The following NCKAP5 variants were observed in gnomAD, a reference collection of about 807,000 sequenced individuals.
NCKAP5 encodes the protein nck-associated protein 5.
NCKAP5 carries 92 observed loss-of-function variants against 167.0 expected under a neutral mutation model. That is an observed-to-expected ratio of 0.55 (90% confidence interval 0.47 to 0.66). The LOEUF is 0.66. Among genes scored for constraint, NCKAP5 ranks in the 30% least tolerant of loss-of-function variants. NCKAP5 has a pLI of 0.00. For synonymous variants in NCKAP5, 891 were observed against 877.4 expected, an observed-to-expected ratio of 1.02 and a Z score of -0.27; for missense variants, 2,378 against 2,315.0, an observed-to-expected ratio of 1.03 and a Z score of -0.56.
At chr2:133,512,738 T>C (rs559383121) in intron 3 of NCKAP5, among the ~76,000 whole-genome samples, 1 of 152,290 alleles carries the variant, frequency 6.6e-6, no homozygotes, top group Non-Finnish European at 1.5e-5. Context: ...AGTAATGACA[T>C]GAATTGGCAC....
intron 6 of NCKAP5, among the ~76,000 whole-genome samples, chr2:133,021,804 G>A (rs138453470): frequency 0.02 from 3,045 of 152,150 alleles, 45 homozygotes; most frequent in Non-Finnish European, 0.033. Flanking sequence ...CTAATTTTTT[G>A]TATTTTAGTA....
chr2:133,295,694 T>C (rs193271988), intron 4 of NCKAP5, among the ~76,000 whole-genome samples: 1 of 152,096 alleles, frequency 6.6e-6, no homozygotes, highest in Admixed American at 6.6e-5. Flanking sequence ...TGGCAGGTGG[T>C]GTGAAAGCCA....
chr2:132,971,141 T>C (rs1240157647), intron 7 of NCKAP5, among the ~76,000 whole-genome samples: 1 of 152,200 alleles, frequency 6.6e-6, no homozygotes, highest in Non-Finnish European at 1.5e-5. Flanking sequence ...CAGAAGAAGA[T>C]AGCTATTAAT....
chr2:133,648,593 C>T, the NCKAP5 span, among the ~76,000 whole-genome samples: 1 of 151,758 alleles, frequency 6.6e-6, no homozygotes, highest in Non-Finnish European at 1.5e-5. Flanking sequence ...TACAAATCAA[C>T]AGAAGAAAAA....
rs192397133 is a variant in NCKAP5 at position 132,873,412 on chromosome 2, C to T, written c.649-4438G>A. Among the ~76,000 whole-genome samples, 545 of 152,092 alleles carry T rather than the reference C, an allele frequency of 3.6e-3. 3 individuals carry two copies. Among genetic ancestry groups the T allele is most frequent in the African/African-American group, 0.012 (517 of 41,480 alleles). ...ACAGGCGTGAGCCACTGCGCCCAGC[C>T]GAAAAAATGTTTTTTAAGAATAAGG... is the stretch of plus-strand genomic sequence containing the variant. On this transcript the variant is annotated intron_variant, in intron 9 of 19. Coordinates refer to ENST00000409261, the MANE Select transcript of NCKAP5 (RefSeq NM_207363.3).
intron 4 of NCKAP5, among the ~76,000 whole-genome samples, chr2:133,230,284 C>T (rs1272538226): frequency 6.6e-6 from 1 of 152,144 alleles, no homozygotes; most frequent in Non-Finnish European, 1.5e-5. Flanking sequence ...ATCTGGAGGC[C>T]ATTTATTACC....
chr2:133,057,694 CA>C (rs1174214291), intron 6 of NCKAP5, among the ~76,000 whole-genome samples: 11 of 152,182 alleles, frequency 7.2e-5, no homozygotes, highest in African/African-American at 2.4e-4. Context: ...ATGCCAATAC[CA>C]TAACACGAAA....
At chr2:133,385,779 G>A (rs999968400) in intron 3 of NCKAP5, among the ~76,000 whole-genome samples, 2 of 151,950 alleles carry the variant, frequency 1.3e-5, no homozygotes, top group Non-Finnish European at 2.9e-5. Flanking sequence ...GTCTTGGGAG[G>A]GTGTATGTGT....
chr2:133,184,882 T>C (rs1459877319), intron 5 of NCKAP5, among the ~76,000 whole-genome samples: 2 of 152,186 alleles, frequency 1.3e-5, no homozygotes, highest in Non-Finnish European at 2.9e-5. Context: ...GTCAGATGCA[T>C]AGTTTGCAAA....
chr2:133,562,373 CT>C (rs1436480460), intron 1 of NCKAP5, among the ~76,000 whole-genome samples: 5 of 152,070 alleles, frequency 3.3e-5, no homozygotes, highest in African/African-American at 1.2e-4. Context: ...GCATGTATTA[CT>C]TTGACTTTTT....
intron 2 of NCKAP5, among the ~76,000 whole-genome samples, chr2:133,524,955 C>T (rs1472404896): frequency 6.6e-6 from 1 of 152,128 alleles, no homozygotes; most frequent in Non-Finnish European, 1.5e-5. Flanking sequence ...TGTGTACATG[C>T]GCATGAGTAT....
At chr2:132,723,987 C>T (rs1324619551) in intron 19 of NCKAP5, among the ~76,000 whole-genome samples, 1 of 152,180 alleles carries the variant, frequency 6.6e-6, no homozygotes, top group Admixed American at 6.5e-5. Flanking sequence ...TCTCATTTGG[C>T]CTCATCCATC....
At chr2:133,356,238 T>TAAGAA (rs1275095208) in intron 3 of NCKAP5, among the ~76,000 whole-genome samples, 4 of 152,172 alleles carry the variant, frequency 2.6e-5, no homozygotes, top group Non-Finnish European at 5.9e-5. Context: ...GAAGCAGTGT[T>TAAGAA]CTTATATCTC....
At chr2:133,625,225 A>C in the NCKAP5 span, among the ~76,000 whole-genome samples, 1 of 152,214 alleles carries the variant, frequency 6.6e-6, no homozygotes, top group Non-Finnish European at 1.5e-5. Context: ...CATTATGGTT[A>C]AGTTAAAATT....
At chr2:133,082,942 C>T (rs1217375819) in intron 6 of NCKAP5, among the ~76,000 whole-genome samples, 2 of 152,028 alleles carry the variant, frequency 1.3e-5, no homozygotes, top group Non-Finnish European at 2.9e-5. Context: ...AATGCCACAT[C>T]CCACTCTAGG....
rs765048071 is a variant in NCKAP5 at position 132,782,948 on chromosome 2, G to A, written c.3863C>T (p.Thr1288Met). ...TTTGCCTGACCCTTCGATGGGGGGC[G>A]TAGAAGGCTTGTCTCCTGAGTGTGT... The part of the protein sequence containing the change: ...FSTHSGDKPS[T>M]PPIEGSGKVR... Residue 1288 changes from threonine to methionine, a missense_variant, in exon 14 of 20, where the codon ACG (threonine) becomes ATG (methionine). Coordinates refer to ENST00000409261, the MANE Select transcript of NCKAP5 (RefSeq NM_207363.3). 5.9e-5 allele frequency: 96 copies of A among 1,613,888 alleles called. 1 individual carries two copies. The highest frequency in any genetic ancestry group is 1.5e-4 in the South Asian group (14 of 91,082).
chr2:133,088,242 T>C (rs1427247595), intron 6 of NCKAP5, among the ~76,000 whole-genome samples: 1 of 152,128 alleles, frequency 6.6e-6, no homozygotes, highest in Non-Finnish European at 1.5e-5. Flanking sequence ...TGCTTCAGAG[T>C]TGGCACGGGC....
At chr2:133,642,593 G>A in the NCKAP5 span, among the ~76,000 whole-genome samples, 1 of 152,152 alleles carries the variant, frequency 6.6e-6, no homozygotes, top group East Asian at 1.9e-4. Context: ...CTAAAGGATG[G>A]TCTTCATAGA....
At chr2:132,759,498 T>C (rs1403268299) in intron 16 of NCKAP5, among the ~76,000 whole-genome samples, 1 of 152,086 alleles carries the variant, frequency 6.6e-6, no homozygotes. Context: ...TGTATGACAC[T>C]CCAATATTTT....
Sources: allele counts gnomAD v4.1 joint callset (sites outside exome capture counted in the v4.1 genomes callset), GRCh38; gene constraint gnomAD v4.1.1; transcripts MANE v1.5; gene names NCBI Gene and HGNC (gene_info 2026-07-23, HGNC 2026-07-21).